ABHD18: variants seen among roughly 807,000 people sequenced by gnomAD.
The protein encoded by ABHD18 is cardiolipin-specific deacylase, mitochondrial.
Under a neutral mutation model 65.9 loss-of-function variants are expected in ABHD18, and 55 were observed. The observed-to-expected ratio is 0.84, with a 90% confidence interval of 0.67 to 1.05. The LOEUF (loss-of-function observed/expected upper bound fraction) is 1.05, where lower values mean the gene tolerates loss of function less well. Among genes scored for constraint, ABHD18 ranks in the 50% least tolerant of loss-of-function variants. The pLI, the probability that ABHD18 is intolerant of heterozygous loss-of-function variation, is 0.00. For missense variants in ABHD18, 533 were observed against 558.5 expected, an observed-to-expected ratio of 0.95 and a Z score of 0.46; for synonymous variants, 181 against 180.2, an observed-to-expected ratio of 1.00 and a Z score of -0.04.
In ABHD18 at chr4:128,028,785, T is replaced by C. The variant is rs754639860; in HGVS notation, c.1112T>C (p.Leu371Pro). 6.2e-7 allele frequency: 1 copy of C among 1,610,566 alleles called. No homozygotes were observed. The highest frequency in any genetic ancestry group is 1.7e-5 in the Admixed American group (1 of 58,998). The part of the protein sequence containing the change: ...LLSKEQSRNS[L>P]RKESLIFMKG... ...AGTAAAGAACAAAGCAGAAACAGTCTTCGGAAAGAGTCTTTAATATTTATG... is the reference window on the plus strand; with the variant it reads ...AGTAAAGAACAAAGCAGAAACAGTCCTCGGAAAGAGTCTTTAATATTTATG... Residue 371 changes from leucine to proline, a missense_variant, in exon 11 of 13, where the codon CTT (leucine) becomes CCT (proline). Coordinates refer to ENST00000645843, the MANE Select transcript of ABHD18 (RefSeq NM_001358451.3).
At chr4:127,967,087 A>T (rs559051989) in intron 1 of ABHD18, among the ~76,000 whole-genome samples, 27 of 152,032 alleles carry the variant, frequency 1.8e-4, no homozygotes, top group Admixed American at 1.5e-3. Flanking sequence ...TCGCTTTATT[A>T]TATTGTCTTT....
intron 10 of ABHD18, among the ~76,000 whole-genome samples, chr4:128,026,367 G>T (rs1210009707): frequency 1.3e-5 from 2 of 151,824 alleles, no homozygotes; most frequent in Non-Finnish European, 2.9e-5. Flanking sequence ...GCTGAGGCAG[G>T]AGAATCGCTT....
intron 6 of ABHD18, 60 bp from the exon 7 acceptor site, chr4:128,011,612 CT>C (rs1394590457): frequency 1.5e-6 from 2 of 1,325,632 alleles, no homozygotes; most frequent in African/African-American, 3.0e-5. Flanking sequence ...ATTTAATGTA[CT>C]CTCAGACAAA....
chr4:128,022,607 T>C (rs1756685600), intron 10 of ABHD18, among the ~76,000 whole-genome samples: 2 of 152,174 alleles, frequency 1.3e-5, no homozygotes, highest in Admixed American at 6.6e-5. Context: ...TTGAATACTT[T>C]TATAGGGAGA....
chr4:127,980,045 T>TA (rs1404259584), intron 1 of ABHD18, among the ~76,000 whole-genome samples: 1 of 152,206 alleles, frequency 6.6e-6, no homozygotes, highest in Non-Finnish European at 1.5e-5. Context: ...AGTAATTTTT[T>TA]AAAAAGTATG....
At position 128,021,203 on chromosome 4, in the gene ABHD18, G is replaced by A; in HGVS notation, c.766G>A (p.Glu256Lys). Reference sequence around the variant, plus strand: ...GCAATATTATACCCAGACAGTTTATGAAGAAGAAATTATTCACATGCTTGA... The same window carrying A: ...GCAATATTATACCCAGACAGTTTATAAAGAAGAAATTATTCACATGCTTGA... ...EKQYYTQTVY[E>K]EEIIHMLEYC... Residue 256 changes from glutamate (E) to lysine (K), a missense_variant, in exon 10 of 13, where the codon GAA becomes AAA. Transcript: ENST00000645843. 1 of 1,548,120 alleles carries A rather than the reference G, an allele frequency of 6.5e-7. No homozygotes were observed. Among genetic ancestry groups the A allele is most frequent in the Non-Finnish European group, 8.7e-7 (1 of 1,144,772 alleles).
chr4:128,035,205 G>A (rs964221595), intron 12 of ABHD18, among the ~76,000 whole-genome samples: 23 of 151,810 alleles, frequency 1.5e-4, no homozygotes, highest in South Asian at 4.2e-4. Context: ...CTCTGTGTGC[G>A]TGCGTGTATG....
intron 1 of ABHD18, among the ~76,000 whole-genome samples, chr4:127,977,892 T>C (rs934269224): frequency 6.6e-6 from 1 of 152,078 alleles, no homozygotes; most frequent in Non-Finnish European, 1.5e-5. Context: ...GTAGTAAAGA[T>C]ACTTAAAGGA....
At chr4:128,030,899 T>C in intron 12 of ABHD18, 2 of 1,229,696 alleles carry the variant, frequency 1.6e-6, no homozygotes, top group Non-Finnish European at 2.0e-6. Flanking sequence ...AGGCATGCTT[T>C]ATCGTGTGGC....
At position 128,007,862 on chromosome 4, in the gene ABHD18, A is replaced by G. The variant is rs186984240; in HGVS notation, c.279-1058A>G. On this transcript the variant is annotated intron_variant, in intron 4 of 12. Coordinates refer to ENST00000645843, the MANE Select transcript of ABHD18 (RefSeq NM_001358451.3). ...CTTAATGAATCAGATTCTATCATAT[A>G]CTAAAAGTTTTAAAAAAAGACAACA... Among the ~76,000 whole-genome samples the G allele has an allele frequency of 4.4e-3, 665 of 152,268 alleles. 4 individuals carry two copies. The highest frequency in any genetic ancestry group is 0.01 in the Middle Eastern group (3 of 294).
chr4:127,977,966 T>C (rs1748280265), intron 1 of ABHD18, among the ~76,000 whole-genome samples: 1 of 152,114 alleles, frequency 6.6e-6, no homozygotes, highest in African/African-American at 2.4e-5. Flanking sequence ...GTATATCTCT[T>C]GATGAGAAGA....
chr4:127,978,477 C>T (rs1055743608), intron 1 of ABHD18, among the ~76,000 whole-genome samples: 3 of 152,052 alleles, frequency 2.0e-5, no homozygotes, highest in Non-Finnish European at 4.4e-5. Flanking sequence ...AACATTTAAG[C>T]GTACAGAATA....
rs1749601521 is a variant in ABHD18, at chr4:127,984,386, A to T, written c.140A>T (p.Asn47Ile). ...KMIGNRERCQ[N>I]LVSSDYPVHI... ...ATTGGAAATCGGGAAAGATGCCAGA[A>T]TCTGGTTTCAAGCGATTATCCAGTA... Residue 47 changes from asparagine (N) to isoleucine (I), a missense_variant, in exon 3 of 13, where the codon AAT becomes ATT. Transcript: ENST00000645843. The T allele has an allele frequency of 6.4e-7, 1 of 1,550,872 alleles. No homozygotes were observed. Among genetic ancestry groups the T allele is most frequent in the African/African-American group, 1.4e-5 (1 of 73,248 alleles).
intron 1 of ABHD18, among the ~76,000 whole-genome samples, chr4:127,982,308 C>T (rs1749200165): frequency 6.6e-6 from 1 of 152,126 alleles, no homozygotes; most frequent in African/African-American, 2.4e-5. Context: ...GAGGTAGATA[C>T]TTAAAAATCT....
intron 4 of ABHD18, among the ~76,000 whole-genome samples, chr4:127,991,729 A>G (rs1008506011): frequency 2.0e-5 from 3 of 152,198 alleles, no homozygotes; most frequent in African/African-American, 7.2e-5. Context: ...TGCAATAGCA[A>G]TGATAAAATA....
chr4:127,980,947 T>C (rs1748926218), intron 1 of ABHD18, among the ~76,000 whole-genome samples: 1 of 151,972 alleles, frequency 6.6e-6, no homozygotes, highest in Non-Finnish European at 1.5e-5. Context: ...TTAAAAACAG[T>C]ATTTAATTTT....
chr4:127,984,038 A>AG lies in ABHD18; in HGVS notation c.93-296dup, dbSNP rs201174277. On this transcript the variant is annotated intron_variant, in intron 2 of 12. Transcript: ENST00000645843. ...GGTGACAGAGCGAGACTCCGTCTCA[A>AG]GGGGGAAAAAAAAAAAAAGAAAGAA... Among the ~76,000 whole-genome samples the AG allele has an allele frequency of 1.5e-3, 208 of 142,868 alleles. 1 individual carries two copies. In the South Asian group the frequency reaches 0.02, roughly 13 times the overall value. 93.7% of individuals were successfully genotyped at this position (142,868 alleles called of 152,430 possible).
chr4:128,021,106 G>A, intron 9 of ABHD18, 31 bp from the exon 10 acceptor site: 2 of 1,366,862 alleles, frequency 1.5e-6, no homozygotes, highest in Non-Finnish European at 2.0e-6. Flanking sequence ...CTTATGATGT[G>A]GTTTGATCTT....
rs1362411098 is a variant in ABHD18 at position 128,038,769 on chromosome 4, G to A, written c.*2956G>A. 1 of 152,024 alleles carries A rather than the reference G, an allele frequency of 6.6e-6. No individual in the cohort carries two copies. The allele number at this position is 152,024 out of a possible 1,614,324, so 9.4% of individuals were successfully genotyped here. A position where few individuals can be genotyped will look rare whatever the true frequency, so the allele number is the denominator to read the frequency against. ...TTAAAAAAAATACAAAATTAGCCAG[G>A]CGTGGTGGCACATGCCTGTAATCCC... On this transcript the variant is annotated 3_prime_UTR_variant, in exon 13 of 13. Coordinates refer to ENST00000645843, the MANE Select transcript of ABHD18 (RefSeq NM_001358451.3).
Sources: allele counts gnomAD v4.1 joint callset (sites outside exome capture counted in the v4.1 genomes callset), GRCh38; gene constraint gnomAD v4.1.1; transcripts MANE v1.5; gene names NCBI Gene and HGNC (gene_info 2026-07-23, HGNC 2026-07-21).